The following RAP1B variants were observed in gnomAD, a reference collection of about 807,000 sequenced individuals.
RAP1B encodes the protein ras-related protein Rap-1b.
In RAP1B, 1 loss-of-function variant was observed where a neutral mutation model predicts 27.5. The observed-to-expected ratio is 0.04, with a 90% CI of 0.01 to 0.17. The LOEUF (loss-of-function observed/expected upper bound fraction) is 0.17, where lower values mean the gene tolerates loss of function less well. Ranked by LOEUF, RAP1B falls within the 10% of genes least tolerant of loss-of-function variation. The pLI is 1.00. For missense variants in RAP1B, 84 were observed against 214.8 expected (o/e 0.39, Z 3.81); for synonymous variants, 75 against 73.1 (o/e 1.03, Z -0.13).
chr12:68,626,752 T>C, intron 1 of RAP1B: 1 of 930,700 alleles, frequency 1.1e-6, no homozygotes, highest in Non-Finnish European at 1.6e-6. Context: ...AGAGGGAAGG[T>C]AGTATCAGAA....
chr12:68,624,832 A>C (rs888249653), intron 1 of RAP1B: 5 of 152,316 alleles, frequency 3.3e-5, no homozygotes, highest in African/African-American at 1.2e-4. Flanking sequence ...AACAACAACA[A>C]AAGCTCCTCG....
intron 1 of RAP1B, among the ~76,000 whole-genome samples, chr12:68,642,329 AATG>A (rs967838356): frequency 5.3e-5 from 8 of 152,190 alleles, no homozygotes; most frequent in Non-Finnish European, 1.2e-4. Context: ...TTCAAGCGAG[AATG>A]ATATTAAAAA....
chr12:68,636,341 C>G (rs1368211892), intron 1 of RAP1B, among the ~76,000 whole-genome samples: 2 of 152,088 alleles, frequency 1.3e-5, no homozygotes, highest in Non-Finnish European at 2.9e-5. Context: ...TCTCTGGAAC[C>G]CAGAAGTTGG....
intron 1 of RAP1B, among the ~76,000 whole-genome samples, chr12:68,629,198 C>G (rs1370285589): frequency 3.3e-5 from 5 of 152,104 alleles, no homozygotes; most frequent in Admixed American, 2.0e-4. Flanking sequence ...AGTCTGGTAT[C>G]GAACTCCTGA....
chr12:68,615,332 C>T (rs575125448), intron 1 of RAP1B, among the ~76,000 whole-genome samples: 2 of 151,454 alleles, frequency 1.3e-5, no homozygotes, highest in Admixed American at 6.6e-5. Context: ...ATTTAAATTC[C>T]CTAAAATAAA....
In RAP1B at chr12:68,657,226, A is replaced by G. The variant is rs1207739175; in HGVS notation, c.*30+9A>G. The G allele has an allele frequency of 6.5e-7, 1 of 1,530,138 alleles. No homozygotes were observed. The highest frequency in any genetic ancestry group is 9.0e-7 in the Non-Finnish European group (1 of 1,107,238). The allele number at this position is 1,530,138 out of a possible 1,614,324, so 94.8% of individuals were successfully genotyped here. ...TTGTAGCTCTGAGCCAGGTATGTTC[A>G]CTTATCTTTCCTCTAACTTTTAATC... On this transcript the variant is annotated intron_variant, in intron 7 of 7. Transcript: ENST00000250559.
intron 3 of RAP1B, 99 bp from the exon 4 acceptor site, chr12:68,651,896 T>C: frequency 1.1e-6 from 1 of 871,342 alleles, no homozygotes; most frequent in Non-Finnish European, 1.8e-6. Flanking sequence ...GTTGTTAAAA[T>C]CTGTGTGTCT....
intron 1 of RAP1B, chr12:68,626,730 A>T: frequency 1.4e-6 from 1 of 716,114 alleles, no homozygotes. Flanking sequence ...TCTCGGGTAA[A>T]GGTCTTAAGG....
chr12:68,622,272 C>A (rs750951925), intron 1 of RAP1B, among the ~76,000 whole-genome samples: 6 of 152,226 alleles, frequency 3.9e-5, no homozygotes, highest in African/African-American at 7.2e-5. Context: ...TCTGGACTCA[C>A]AGGAGCTTCC....
chr12:68,627,959 T>A (rs1160611991), intron 1 of RAP1B, among the ~76,000 whole-genome samples: 1 of 151,968 alleles, frequency 6.6e-6, no homozygotes, highest in African/African-American at 2.4e-5. Flanking sequence ...AAAAAAAAAT[T>A]TAATCAGGCA....
At chr12:68,614,107 T>G (rs1870810170) in intron 1 of RAP1B, among the ~76,000 whole-genome samples, 1 of 152,234 alleles carries the variant, frequency 6.6e-6, no homozygotes, top group Non-Finnish European at 1.5e-5. Flanking sequence ...GGTAACTGAT[T>G]AGACATGTTA....
chr12:68,612,832 T>A (rs905219617), intron 1 of RAP1B, among the ~76,000 whole-genome samples: 1 of 152,242 alleles, frequency 6.6e-6, no homozygotes, highest in Non-Finnish European at 1.5e-5. Flanking sequence ...TTTAGTCTTA[T>A]TTGAGCTCAT....
intron 1 of RAP1B, among the ~76,000 whole-genome samples, chr12:68,619,025 A>G (rs1871217086): frequency 6.6e-6 from 1 of 152,148 alleles, no homozygotes; most frequent in Admixed American, 6.6e-5. Context: ...TCTTGAGCCC[A>G]GGAGTTGGAG....
intron 2 of RAP1B, chr12:68,649,221 T>A (rs1592461163): frequency 6.4e-6 from 1 of 156,378 alleles, no homozygotes; most frequent in Admixed American, 6.3e-5. Flanking sequence ...ATTTTTAAAA[T>A]TTTTTGTAGA....
chr12:68,614,030 T>G (rs1443478421), intron 1 of RAP1B, among the ~76,000 whole-genome samples: 1 of 152,202 alleles, frequency 6.6e-6, no homozygotes, highest in African/African-American at 2.4e-5. Flanking sequence ...TTTGTAAGGA[T>G]CCTTTCAATT....
At position 68,667,474 on chromosome 12, in the gene RAP1B, C is replaced by T. The variant is rs1296086479; in HGVS notation, c.*8225C>T. The T allele has an allele frequency of 6.6e-6, 1 of 152,104 alleles. No homozygotes were observed. The highest frequency in any genetic ancestry group is 1.5e-5 in the Non-Finnish European group (1 of 68,018). 9.4% of individuals were successfully genotyped at this position (152,104 alleles called of 1,614,324 possible). The stretch of plus-strand genomic sequence containing the variant: ...GAGGAAGTTAGAGATTAATTCAACC[C>T]AGTGGGTTTTGGGGTTTTTATATGT... On this transcript the variant is annotated 3_prime_UTR_variant, in exon 8 of 8. Coordinates refer to ENST00000250559, the MANE Select transcript of RAP1B (RefSeq NM_001010942.3).
At chr12:68,628,106 TAAAAAG>T (rs1258222176) in intron 1 of RAP1B, among the ~76,000 whole-genome samples, 2 of 152,050 alleles carry the variant, frequency 1.3e-5, no homozygotes, top group Non-Finnish European at 2.9e-5. Flanking sequence ...CCCTGTCTCT[TAAAAAG>T]AAGGAAATGA....
At chr12:68,651,580 A>G (rs1873817134) in intron 3 of RAP1B, 1 of 167,196 alleles carries the variant, frequency 6.0e-6, no homozygotes, top group Admixed American at 5.7e-5. Flanking sequence ...TGGTGAGGGC[A>G]TATAGTTACC....
intron 5 of RAP1B, among the ~76,000 whole-genome samples, chr12:68,655,787 C>T (rs950314216): frequency 2.6e-5 from 4 of 152,128 alleles, no homozygotes; most frequent in African/African-American, 7.2e-5. Context: ...CCACCCGCCT[C>T]GGCCTCCCAA....
Sources: allele counts gnomAD v4.1 joint callset (sites outside exome capture counted in the v4.1 genomes callset), GRCh38; gene constraint gnomAD v4.1.1; transcripts MANE v1.5; gene names NCBI Gene and HGNC (gene_info 2026-07-23, HGNC 2026-07-21).